Variants in SLC2A13 observed in about 807,000 individuals in gnomAD.
SLC2A13 encodes solute carrier family 2 member 13, also known as proton myo-inositol cotransporter.
In SLC2A13, 32 loss-of-function variants were observed where a neutral mutation model predicts 64.4. That is an observed-to-expected ratio of 0.50 (90% CI 0.37 to 0.67). The LOEUF is 0.67. SLC2A13 is among the 30% of genes least tolerant of loss of function. The pLI, the probability that SLC2A13 is intolerant of heterozygous loss-of-function variation, is 0.00. For missense variants in SLC2A13, 743 were observed against 829.2 expected (o/e 0.90, Z 1.28); for synonymous variants, 338 against 327.1 (o/e 1.03, Z -0.36).
chr12:39,970,733 A>G (rs1266728341), intron 3 of SLC2A13, among the ~76,000 whole-genome samples: 2 of 152,212 alleles, frequency 1.3e-5, no homozygotes, highest in East Asian at 1.9e-4. Flanking sequence ...TTGATCACCA[A>G]AATAATATCA....
intron 3 of SLC2A13, among the ~76,000 whole-genome samples, chr12:40,001,321 G>T (rs1221576512): frequency 6.6e-6 from 1 of 152,134 alleles, no homozygotes; most frequent in East Asian, 1.9e-4. Context: ...CTATAAAAAA[G>T]ACATTAAAGA....
In SLC2A13 at chr12:40,105,739, G is replaced by T. The variant is rs1426219998; in HGVS notation, c.70C>A (p.Arg24Ser). Residue 24 changes from arginine to serine, a missense_variant, in exon 1 of 10, where the codon CGC becomes AGC. By Grantham distance (110) the Arg-to-Ser change is moderately radical. This residue lies in a region of SLC2A13 where 448 missense variants were observed against 447.4 expected (regional missense o/e 1.00). Transcript: ENST00000280871. This position sits in a 1 kb window ranked among gnomAD's most constrained non-coding sequence, Gnocchi z 4.2. ...RSLSSLMGERRRKQPEPDAAS... is the reference protein window; with the variant it reads ...RSLSSLMGERSRKQPEPDAAS... ...GCGTCCGGCTCCGGCTGCTTCCTGCGCCGCTCGCCCATCAGGCTGCTCAGG... is the reference window on the plus strand; with the variant it reads ...GCGTCCGGCTCCGGCTGCTTCCTGCTCCGCTCGCCCATCAGGCTGCTCAGG... The T allele has an allele frequency of 4.0e-6, 6 of 1,487,086 alleles. No individual in the cohort carries two copies. Among genetic ancestry groups the T allele is most frequent in the Non-Finnish European group, 5.4e-6 (6 of 1,119,286 alleles). 92.1% of individuals were successfully genotyped at this position (1,487,086 alleles called of 1,614,324 possible).
intron 7 of SLC2A13, among the ~76,000 whole-genome samples, chr12:39,789,807 T>C (rs189477200): frequency 6.6e-5 from 10 of 152,288 alleles, no homozygotes; most frequent in Non-Finnish European, 1.2e-4. Context: ...TGAGCCCCCA[T>C]TTCACATATT....
chr12:40,090,199 T>A (rs1305595809), intron 1 of SLC2A13, among the ~76,000 whole-genome samples: 1 of 152,184 alleles, frequency 6.6e-6, no homozygotes, highest in East Asian at 1.9e-4. Context: ...TAAGGCATAT[T>A]TCTAGTGAAC....
Position 39,830,120 on chromosome 12 carries a change from A to C in SLC2A13, c.1428T>G (p.Asn476Lys). 1.2e-6 allele frequency: 2 copies of C among 1,613,678 alleles called. No homozygotes were observed. The highest frequency in any genetic ancestry group is 1.7e-6 in the Non-Finnish European group (2 of 1,179,754). ...SCVPVNKAST[N>K]EAAWGRCENE... ...TGATATACCTGCCCCAGGCTGCCTC[A>C]TTTGTAGATGCTTTATTAACTGGAA... Residue 476 changes from asparagine (N) to lysine (K), a missense_variant, in exon 7 of 10, where the codon AAT (asparagine) becomes AAG (lysine). Physicochemically the swap from Asn to Lys is moderately conservative, Grantham distance 94. Transcript: ENST00000280871.
chr12:39,882,625 T>G (rs1025323345), intron 4 of SLC2A13, among the ~76,000 whole-genome samples: 1 of 152,196 alleles, frequency 6.6e-6, no homozygotes, highest in African/African-American at 2.4e-5. Flanking sequence ...AGGTGAAGTC[T>G]TGCCTATAAT....
At chr12:39,790,821 T>A (rs1592141000) in intron 7 of SLC2A13, among the ~76,000 whole-genome samples, 2 of 53,386 alleles carry the variant, frequency 3.7e-5, no homozygotes, top group East Asian at 9.5e-4. Context: ...GTTGAACTAG[T>A]TTACAGTCCC....
rs1460877056 is a variant in SLC2A13, at chr12:39,755,086, C to G, written c.*4940G>C. The stretch of plus-strand genomic sequence containing the variant: ...TTCATTTACAGTTCTGGCACTGACA[C>G]TTTTTTTAAAAAAAGATTTTAATTT... On this transcript the variant is annotated 3_prime_UTR_variant, in exon 10 of 10. Transcript: ENST00000280871. 1.3e-5 allele frequency: 2 copies of G among 151,794 alleles called. No individual in the cohort carries two copies. The highest frequency in any genetic ancestry group is 1.3e-4 in the Admixed American group (2 of 15,218). The allele number at this position is 151,794 out of a possible 1,614,324, so 9.4% of individuals were successfully genotyped here. A position where few individuals can be genotyped will look rare whatever the true frequency, so the allele number is the denominator to read the frequency against.
At chr12:40,002,358 G>T (rs1390184055) in intron 3 of SLC2A13, among the ~76,000 whole-genome samples, 1 of 152,126 alleles carries the variant, frequency 6.6e-6, no homozygotes, top group Admixed American at 6.5e-5. Flanking sequence ...TTCACACCCA[G>T]CTCTGTTTGA....
intron 7 of SLC2A13, among the ~76,000 whole-genome samples, chr12:39,781,794 A>T (rs755483812): frequency 6.6e-6 from 1 of 152,212 alleles, no homozygotes; most frequent in African/African-American, 2.4e-5. Flanking sequence ...GGTGGAAAGG[A>T]TCTGGTAGCA....
intron 3 of SLC2A13, among the ~76,000 whole-genome samples, chr12:39,966,421 A>G (rs1432596811): frequency 1.3e-5 from 2 of 152,106 alleles, no homozygotes; most frequent in Non-Finnish European, 2.9e-5. Flanking sequence ...TAATTCACAG[A>G]CACATGCCCA....
At chr12:39,991,259 A>G (rs1278142811) in intron 3 of SLC2A13, among the ~76,000 whole-genome samples, 1 of 152,118 alleles carries the variant, frequency 6.6e-6, no homozygotes, top group Admixed American at 6.5e-5. Flanking sequence ...TTAAAACTTC[A>G]ATCTTATATC....
intron 3 of SLC2A13, among the ~76,000 whole-genome samples, chr12:39,969,470 T>A (rs1267668366): frequency 6.6e-6 from 1 of 152,246 alleles, no homozygotes; most frequent in Admixed American, 6.5e-5. Context: ...TGTTGTTTCC[T>A]GACTTTTTAA....
At chr12:39,887,450 GCAGGCTTA>G (rs922233569) in intron 4 of SLC2A13, among the ~76,000 whole-genome samples, 1 of 152,050 alleles carries the variant, frequency 6.6e-6, no homozygotes, top group Non-Finnish European at 1.5e-5. Context: ...TACACCCAGA[GCAGGCTTA>G]CAGTGGAATG....
At chr12:39,995,759 G>A (rs889607759) in intron 3 of SLC2A13, among the ~76,000 whole-genome samples, 3 of 152,122 alleles carry the variant, frequency 2.0e-5, no homozygotes, top group Admixed American at 1.3e-4. Context: ...TGGGGGGCAG[G>A]TATTTTCCAT....
chr12:39,948,898 A>T (rs1284622539), intron 4 of SLC2A13, among the ~76,000 whole-genome samples: 4 of 152,178 alleles, frequency 2.6e-5, no homozygotes, highest in African/African-American at 9.6e-5. Flanking sequence ...TACTAAAAAT[A>T]AAAAAAGTAA....
intron 7 of SLC2A13, among the ~76,000 whole-genome samples, chr12:39,801,491 AT>A (rs2135786293): frequency 6.6e-6 from 1 of 152,296 alleles, no homozygotes; most frequent in South Asian, 2.1e-4. Flanking sequence ...ACATAGTCTA[AT>A]TTCTCTTGGC....
At chr12:39,839,595 A>G (rs1187098470) in intron 6 of SLC2A13, among the ~76,000 whole-genome samples, 1 of 151,908 alleles carries the variant, frequency 6.6e-6, no homozygotes, top group Admixed American at 6.6e-5. Flanking sequence ...CAATGTTCTC[A>G]TCCCTTGTGC....
intron 3 of SLC2A13, among the ~76,000 whole-genome samples, chr12:39,959,194 T>C (rs10877840): frequency 0.19 from 29,558 of 152,184 alleles, 3,254 homozygotes; most frequent in Middle Eastern, 0.27. Context: ...CCACGCTGTT[T>C]TCCTCTTCAA....
Sources: allele counts gnomAD v4.1 joint callset (sites outside exome capture counted in the v4.1 genomes callset), GRCh38; gene constraint gnomAD v4.1.1; regional missense constraint gnomAD v4.1.1; non-coding constraint Gnocchi (gnomAD v3.1); transcripts MANE v1.5; gene names NCBI Gene and HGNC (gene_info 2026-07-23, HGNC 2026-07-21).